Variants in KIAA0513 observed in about 807,000 individuals in gnomAD.
KIAA0513 encodes the protein uncharacterized protein KIAA0513.
In KIAA0513, 39 loss-of-function variants were observed where a neutral mutation model predicts 56.5. The ratio of observed to expected loss-of-function variants is 0.69; its 90% CI spans 0.53 to 0.90. The LOEUF is 0.90. Ranked by LOEUF, KIAA0513 falls within the 40% of genes least tolerant of loss-of-function variation. KIAA0513 has a pLI of 0.00. For missense variants in KIAA0513, 591 were observed against 535.2 expected, an observed-to-expected ratio of 1.10 and a Z score of -1.03; for synonymous variants, 268 against 215.6, an observed-to-expected ratio of 1.24 and a Z score of -2.13.
In KIAA0513 at chr16:85,087,043, G is replaced by A. The variant is rs7184307; in HGVS notation, c.1092-29G>A. Reference sequence around the variant, plus strand: ...CGGCCCTTTCCCCTGGGAGGCCAGCGGGTGACGCTCTTGGGGTTTCTCCTG... The same window carrying A: ...CGGCCCTTTCCCCTGGGAGGCCAGCAGGTGACGCTCTTGGGGTTTCTCCTG... On this transcript the variant is annotated intron_variant, in intron 11 of 12. Coordinates refer to ENST00000683363, the MANE Select transcript of KIAA0513 (RefSeq NM_001388359.1). 1.1e-3 allele frequency: 1,699 copies of A among 1,607,172 alleles called. 15 individuals are homozygous for A. In the African/African-American group the frequency reaches 0.02, roughly 19 times the overall value.
chr16:85,032,111 C>A (rs181277473), intron 1 of KIAA0513, among the ~76,000 whole-genome samples: 1 of 152,202 alleles, frequency 6.6e-6, no homozygotes, highest in Non-Finnish European at 1.5e-5. Context: ...TTCTTGGGGA[C>A]TCAGAGGGAG....
rs1031766835 is a variant in KIAA0513 at position 85,076,197 on chromosome 16, C to G, written c.574+283C>G. On this transcript the variant is annotated intron_variant, in intron 5 of 12. Transcript: ENST00000683363. The surrounding 1 kb of genome is among the most constrained non-coding windows in gnomAD (Gnocchi z 4.7). ...AGCTGGTAGGAGATGAGAAAAGAAA[C>G]AAGCTAGGCAGGACATTTCATGGTG... Among the ~76,000 whole-genome samples, 1 of 152,164 alleles carries G rather than the reference C, an allele frequency of 6.6e-6. No homozygotes were observed. The highest frequency in any genetic ancestry group is 1.5e-5 in the Non-Finnish European group (1 of 68,026).
At chr16:85,031,902 C>A (rs138283722) in intron 1 of KIAA0513, among the ~76,000 whole-genome samples, 2 of 152,176 alleles carry the variant, frequency 1.3e-5, no homozygotes, top group Non-Finnish European at 2.9e-5. Context: ...TTACTAGAGA[C>A]GGTGAAACCT....
rs115482731 is a variant in KIAA0513, at chr16:85,053,608, C to A, written c.-172-13292C>A. On this transcript the variant is annotated intron_variant, in intron 1 of 12. Transcript: ENST00000683363. ...TTAACAACTCATCAGTCCTAAGATT[C>A]ATCTTTATTTTATACATTACTAAGA... is the stretch of plus-strand genomic sequence containing the variant. Among the ~76,000 whole-genome samples the A allele has an allele frequency of 5.8e-3, 888 of 152,254 alleles. 17 individuals carry two copies. The highest frequency in any genetic ancestry group is 0.02 in the African/African-American group (848 of 41,536).
intron 1 of KIAA0513, among the ~76,000 whole-genome samples, chr16:85,060,067 C>T (rs62049884): frequency 0.084 from 12,844 of 152,210 alleles, 1,753 homozygotes; most frequent in African/African-American, 0.28. Flanking sequence ...CTCAAGCGAT[C>T]CTCATGCCTC....
intron 12 of KIAA0513, among the ~76,000 whole-genome samples, chr16:85,087,921 C>A (rs527775862): frequency 2.6e-4 from 39 of 152,384 alleles, no homozygotes; most frequent in African/African-American, 8.9e-4. Flanking sequence ...ACCTCTCCCG[C>A]TCCCCAGGTT....
chr16:85,038,750 G>A lies in KIAA0513; in HGVS notation c.-173+10892G>A, dbSNP rs2073068539. Among the ~76,000 whole-genome samples the A allele has an allele frequency of 2.0e-5, 3 of 148,042 alleles. No individual in the cohort carries two copies. The South Asian group carries it at 6.4e-4, about 32-fold the overall frequency. ...AATAATAATAATATCTTTGTTGATA[G>A]ATTCTATTTAACTCAATGTATCCAA... On this transcript the variant is annotated intron_variant, in intron 1 of 12. Coordinates refer to ENST00000683363, the MANE Select transcript of KIAA0513 (RefSeq NM_001388359.1).
intron 9 of KIAA0513, among the ~76,000 whole-genome samples, chr16:85,082,138 T>C (rs751500419): frequency 2.6e-5 from 4 of 152,160 alleles, no homozygotes; most frequent in Non-Finnish European, 4.4e-5. Flanking sequence ...ATGGCTGCTG[T>C]TGGGGGGAAG....
In KIAA0513 at chr16:85,078,946, A is replaced by G. The variant is rs781035579; in HGVS notation, c.845A>G (p.Asp282Gly). 7 of 1,614,102 alleles carry G rather than the reference A, an allele frequency of 4.3e-6. No individual in the cohort carries two copies. The change falls in exon 8 of 13, where the codon GAC becomes GGC. Residue 282 changes from aspartate to glycine, a missense_variant. Physicochemically the swap from Asp to Gly is moderately conservative, Grantham distance 94 (BLOSUM62 -1). Coordinates refer to ENST00000683363, the MANE Select transcript of KIAA0513 (RefSeq NM_001388359.1). ...PRAVTAYSPE[D>G]EKKGEKIYLY... ...ACAGTGACCGCGTACAGCCCCGAGG[A>G]CGAAAAGAAGGGGGAGAAGATCTAC...
chr16:85,084,908 C>A (rs2073791443), intron 10 of KIAA0513, among the ~76,000 whole-genome samples: 3 of 152,238 alleles, frequency 2.0e-5, no homozygotes, highest in Admixed American at 6.5e-5. Flanking sequence ...ATTACCTGAT[C>A]TGCTACTGCC....
chr16:85,083,807 G>C (rs1397566683), intron 10 of KIAA0513, among the ~76,000 whole-genome samples: 1 of 152,192 alleles, frequency 6.6e-6, no homozygotes, highest in Admixed American at 6.5e-5. Context: ...CAGGGGGCGA[G>C]GTTGGCTCCA....
Position 85,038,480 on chromosome 16 carries a change from G to T in KIAA0513, c.-173+10622G>T, listed in dbSNP as rs369939199. On this transcript the variant is annotated intron_variant, in intron 1 of 12. Coordinates refer to ENST00000683363, the MANE Select transcript of KIAA0513 (RefSeq NM_001388359.1). Reference sequence around the variant, plus strand: ...CCAGAAGTTTGGGAGGCTGAGGTGGGTGGATCACTTGAGGTCAGGAGTTCC... The same window carrying T: ...CCAGAAGTTTGGGAGGCTGAGGTGGTTGGATCACTTGAGGTCAGGAGTTCC... 7.2e-5 allele frequency among the ~76,000 whole-genome samples: 11 copies of T among 152,244 alleles called. No homozygotes were observed. In the East Asian group the frequency reaches 1.4e-3, roughly 19 times the overall value.
chr16:85,044,238 T>C (rs562229380), intron 1 of KIAA0513, among the ~76,000 whole-genome samples: 2 of 152,126 alleles, frequency 1.3e-5, no homozygotes, highest in African/African-American at 2.4e-5. Context: ...GTCGTATTGG[T>C]TTGTAACTGA....
chr16:85,074,686 T>C (rs887943515), intron 4 of KIAA0513, among the ~76,000 whole-genome samples: 1 of 152,198 alleles, frequency 6.6e-6, no homozygotes, highest in East Asian at 1.9e-4. Flanking sequence ...AAGAAACCAC[T>C]GAAAGAGGTT....
chr16:85,082,717 C>A, intron 10 of KIAA0513, 124 bp downstream of exon 10: 2 of 1,025,386 alleles, frequency 2.0e-6, no homozygotes, highest in East Asian at 2.6e-5. Flanking sequence ...GCAGGTGCAG[C>A]CTGGTGGCCG....
At chr16:85,040,444 C>T (rs1456041025) in intron 1 of KIAA0513, among the ~76,000 whole-genome samples, 4 of 152,056 alleles carry the variant, frequency 2.6e-5, no homozygotes, top group African/African-American at 9.7e-5. Context: ...GTAGGAGGAT[C>T]GCTTGAACCT....
At chr16:85,052,752 T>G (rs545808667) in intron 1 of KIAA0513, among the ~76,000 whole-genome samples, 1 of 152,324 alleles carries the variant, frequency 6.6e-6, no homozygotes, top group East Asian at 1.9e-4. Context: ...CAGGTGCTTT[T>G]GTCCGTGCAT....
chr16:85,046,746 A>G (rs1240540837), intron 1 of KIAA0513, among the ~76,000 whole-genome samples: 2 of 152,066 alleles, frequency 1.3e-5, no homozygotes, highest in Non-Finnish European at 2.9e-5. Context: ...GGTTTTTACA[A>G]TTTCAGTTAC....
chr16:85,073,768 G>A (rs1425617303), intron 4 of KIAA0513, among the ~76,000 whole-genome samples: 1 of 152,304 alleles, frequency 6.6e-6, no homozygotes, highest in South Asian at 2.1e-4. Context: ...CACTATCCTC[G>A]TCTCCTGCAG....
Sources: gnomAD v4.1 joint callset for allele counts (sites outside exome capture counted in the v4.1 genomes callset) on GRCh38, gnomAD v4.1.1 for gene constraint, Gnocchi (gnomAD v3.1) non-coding constraint, MANE v1.5 for transcripts, NCBI Gene and HGNC (gene_info 2026-07-23, HGNC 2026-07-21) for gene names.